Variants in ATXN7L1 observed in about 807,000 individuals in gnomAD.
The protein encoded by ATXN7L1 is ataxin 7 like 1.
Under a neutral mutation model 70.8 loss-of-function variants are expected in ATXN7L1, and 15 were observed. That is an observed-to-expected ratio of 0.21 (90% CI 0.14 to 0.33). The LOEUF (loss-of-function observed/expected upper bound fraction) is 0.33. Among genes scored for constraint, ATXN7L1 ranks in the 10% least tolerant of loss-of-function variants. The pLI is 1.00. For missense variants in ATXN7L1, 975 were observed against 1,097.1 expected (o/e 0.89, Z 1.57); for synonymous variants, 440 against 445.1 (o/e 0.99, Z 0.14).
intron 4 of ATXN7L1, 96 bp downstream of exon 4, chr7:105,664,970 C>T (rs1802395889): frequency 3.2e-6 from 4 of 1,256,518 alleles, no homozygotes; most frequent in Non-Finnish European, 4.4e-6. Context: ...GCATGTGACA[C>T]CTAGGAACAA....
chr7:105,655,415 G>T (rs1800464650), intron 4 of ATXN7L1, among the ~76,000 whole-genome samples: 1 of 152,226 alleles, frequency 6.6e-6, no homozygotes, highest in Non-Finnish European at 1.5e-5. Flanking sequence ...GTTGTGGGCA[G>T]AACGGGCTCA....
At chr7:105,835,466 TAA>T (rs776975613) in intron 2 of ATXN7L1, among the ~76,000 whole-genome samples, 121 of 144,054 alleles carry the variant, frequency 8.4e-4, no homozygotes, top group African/African-American at 2.8e-3. Flanking sequence ...ATTGTATAAT[TAA>T]AAAAAAAAAA....
intron 2 of ATXN7L1, among the ~76,000 whole-genome samples, chr7:105,861,370 T>C (rs1156586984): frequency 6.6e-6 from 1 of 151,806 alleles, no homozygotes; most frequent in East Asian, 1.9e-4. Context: ...TAAATAGCTA[T>C]TATAAAAATC....
At chr7:105,623,952 C>A (rs567378214) in intron 8 of ATXN7L1, 123 bp downstream of exon 8, 35 of 891,934 alleles carry the variant, frequency 3.9e-5, no homozygotes, top group Non-Finnish European at 1.4e-5. Flanking sequence ...TCATGGTAAG[C>A]CTTTTTGTAA....
chr7:105,642,370 G>C (rs1301492001), intron 5 of ATXN7L1, among the ~76,000 whole-genome samples: 1 of 152,230 alleles, frequency 6.6e-6, no homozygotes, highest in Non-Finnish European at 1.5e-5. Context: ...CGAGGCCAAA[G>C]GACAGAGGCT....
At chr7:105,834,228 G>A (rs373124662) in intron 2 of ATXN7L1, among the ~76,000 whole-genome samples, 15 of 151,948 alleles carry the variant, frequency 9.9e-5, no homozygotes, top group Admixed American at 5.2e-4. Flanking sequence ...TTTTAGTAGA[G>A]ACAGAGTTTC....
Position 105,847,067 on chromosome 7 carries a change from T to A in ATXN7L1, c.250+28745A>T, listed in dbSNP as rs1419651459. Among the ~76,000 whole-genome samples, 3 of 152,204 alleles carry A rather than the reference T, an allele frequency of 2.0e-5. No homozygotes were observed. The East Asian group carries it at 5.8e-4, about 29-fold the overall frequency. On this transcript the variant is annotated intron_variant, in intron 2 of 11. Coordinates refer to ENST00000419735, the MANE Select transcript of ATXN7L1 (RefSeq NM_020725.2). ...GTTGTACCACTTGTGAATATATTAA[T>A]ACCAAAAACAACTTTAAAGGAGTGA...
At chr7:105,740,784 T>TTTTTTTTG in intron 3 of ATXN7L1, among the ~76,000 whole-genome samples, 1,031 of 77,896 alleles carry the variant, frequency 0.013, 304 homozygotes, top group African/African-American at 0.055. Context: ...TTTTTTTTTT[T>TTTTTTTTG]AATGGAGTCT....
chr7:105,657,326 G>GA (rs1318737215), intron 4 of ATXN7L1, among the ~76,000 whole-genome samples: 1 of 152,022 alleles, frequency 6.6e-6, no homozygotes, highest in African/African-American at 2.4e-5. Flanking sequence ...CCATTGAATT[G>GA]AAAAAACCAG....
intron 3 of ATXN7L1, among the ~76,000 whole-genome samples, chr7:105,787,699 G>A (rs1242090496): frequency 3.9e-5 from 6 of 152,166 alleles, no homozygotes; most frequent in Non-Finnish European, 1.5e-5. Flanking sequence ...ATTTGCAAAA[G>A]CATATTCAAT....
At chr7:105,790,357 T>G (rs1804956875) in intron 2 of ATXN7L1, among the ~76,000 whole-genome samples, 1 of 152,112 alleles carries the variant, frequency 6.6e-6, no homozygotes, top group South Asian at 2.1e-4. Context: ...ATCCCAGCAC[T>G]TTGGGAGGTA....
intron 7 of ATXN7L1, among the ~76,000 whole-genome samples, chr7:105,626,422 A>T (rs950577488): frequency 1.3e-5 from 2 of 152,252 alleles, no homozygotes; most frequent in African/African-American, 4.8e-5. Flanking sequence ...CAGTATGACT[A>T]CACAACATTG....
At chr7:105,762,199 C>T (rs535767685) in intron 3 of ATXN7L1, among the ~76,000 whole-genome samples, 1 of 152,322 alleles carries the variant, frequency 6.6e-6, no homozygotes, top group African/African-American at 2.4e-5. Context: ...CTTCCACCAC[C>T]TGCTTAACAC....
chr7:105,718,445 G>A (rs895406454), intron 3 of ATXN7L1, among the ~76,000 whole-genome samples: 36 of 152,186 alleles, frequency 2.4e-4, no homozygotes, highest in Admixed American at 1.0e-3. Flanking sequence ...GGATTAAGGC[G>A]TATTTAAGGA....
chr7:105,746,785 C>A (rs1426908513), intron 3 of ATXN7L1, among the ~76,000 whole-genome samples: 1 of 152,098 alleles, frequency 6.6e-6, no homozygotes, highest in Non-Finnish European at 1.5e-5. Flanking sequence ...AAGCAAGGAG[C>A]AGAATGATGC....
chr7:105,825,196 T>C (rs1810702358), intron 2 of ATXN7L1, among the ~76,000 whole-genome samples: 2 of 152,184 alleles, frequency 1.3e-5, no homozygotes, highest in South Asian at 4.1e-4. Context: ...TCCAAGACAT[T>C]TCCATATTTT....
At chr7:105,832,745 A>G (rs983872836) in intron 2 of ATXN7L1, among the ~76,000 whole-genome samples, 1 of 152,198 alleles carries the variant, frequency 6.6e-6, no homozygotes, top group Non-Finnish European at 1.5e-5. Flanking sequence ...TCCTCCCCAG[A>G]GCCTGCTTCT....
At position 105,869,366 on chromosome 7, in the gene ATXN7L1, T is replaced by C. The variant is rs372254592; in HGVS notation, c.250+6446A>G. Among the ~76,000 whole-genome samples, 5 of 152,302 alleles carry C rather than the reference T, an allele frequency of 3.3e-5. No homozygotes were observed. The South Asian group carries it at 8.3e-4, about 25-fold the overall frequency. On this transcript the variant is annotated intron_variant, in intron 2 of 11. Transcript: ENST00000419735. The stretch of plus-strand genomic sequence containing the variant: ...GGACTTTGTGTCTTCCCATCTCCTA[T>C]TAACATAGATAACAGAGTTGTCTAT...
intron 3 of ATXN7L1, among the ~76,000 whole-genome samples, chr7:105,680,467 T>C (rs548511892): frequency 2.6e-5 from 4 of 152,260 alleles, no homozygotes; most frequent in Non-Finnish European, 5.9e-5. Context: ...CAGTTTCAGA[T>C]TGAGAGGGAG....
Sources: gnomAD v4.1 joint callset for allele counts (sites outside exome capture counted in the v4.1 genomes callset) on GRCh38, gnomAD v4.1.1 for gene constraint, MANE v1.5 for transcripts, NCBI Gene and HGNC (gene_info 2026-07-23, HGNC 2026-07-21) for gene names.